Variants in CDK5RAP2 observed in about 807,000 individuals in gnomAD.
The protein encoded by CDK5RAP2 is CDK5 regulatory subunit associated protein 2, also known as CDK5 regulatory subunit-associated protein 2.
CDK5RAP2 carries 147 observed loss-of-function variants against 232.9 expected under a neutral mutation model. The ratio of observed to expected loss-of-function variants is 0.63; its 90% CI spans 0.55 to 0.72. CDK5RAP2 has a LOEUF of 0.72. Ranked by LOEUF, CDK5RAP2 falls within the 30% of genes least tolerant of loss-of-function variation. The pLI is 0.00. For missense variants in CDK5RAP2, 2,195 were observed against 2,231.5 expected, an observed-to-expected ratio of 0.98 and a Z score of 0.33; for synonymous variants, 833 against 833.7, an observed-to-expected ratio of 1.00 and a Z score of 0.01.
chr9:120,554,579 G>C (rs1337903974), intron 3 of CDK5RAP2, among the ~76,000 whole-genome samples: 1 of 152,194 alleles, frequency 6.6e-6, no homozygotes, highest in Non-Finnish European at 1.5e-5. Context: ...ATAGGTTTTT[G>C]AGAGAAGAAA....
chr9:120,456,902 A>C (rs1264418049), intron 20 of CDK5RAP2, among the ~76,000 whole-genome samples: 1 of 152,246 alleles, frequency 6.6e-6, no homozygotes, highest in East Asian at 1.9e-4. Context: ...ATTTTGCTAG[A>C]AATCTGAACA....
Position 120,536,440 on chromosome 9 carries a change from C to A in CDK5RAP2, c.594G>T (p.Lys198Asn). The change falls in exon 7 of 38, where the codon AAG becomes AAT. Residue 198 changes from lysine (K) to asparagine (N), a missense_variant. Transcript: ENST00000349780. The part of the protein sequence containing the change: ...EKALRLRLES[K>N]LSEMKKMHEG... ...CGTGCATCTTCTTCATCTCTGAAAG[C>A]TTGCTTTCCAAACGCAACCGAAGAG... 1 of 1,614,212 alleles carries A rather than the reference C, an allele frequency of 6.2e-7. No individual in the cohort carries two copies. The highest frequency in any genetic ancestry group is 1.7e-4 in the Middle Eastern group (1 of 6,060).
chr9:120,572,034 C>G lies in CDK5RAP2; in HGVS notation c.67G>C (p.Val23Leu), dbSNP rs746736811. ...TCCAGGTCATCTGGTACACTGGGAA[C>G]AAGGCCACTAGGAGAGAACACATGA... ...PGTLSGCSGL[V>L]PSVPDDLDGI... Residue 23 changes from valine (V) to leucine (L), a missense_variant, in exon 2 of 38, where the codon GTT becomes CTT. Coordinates refer to ENST00000349780, the MANE Select transcript of CDK5RAP2 (RefSeq NM_018249.6). 5 of 1,612,928 alleles carry G rather than the reference C, an allele frequency of 3.1e-6. No homozygotes were observed. In the South Asian group the frequency reaches 5.5e-5, roughly 18 times the overall value.
intron 14 of CDK5RAP2, among the ~76,000 whole-genome samples, chr9:120,478,754 C>T (rs960618990): frequency 6.6e-6 from 1 of 152,134 alleles, no homozygotes; most frequent in African/African-American, 2.4e-5. Flanking sequence ...GCACTGAAGC[C>T]TGGGCAACAG....
Position 120,435,326 on chromosome 9 carries a change from T to C in CDK5RAP2, c.3955+1969A>G, listed in dbSNP as rs149598002. Among the ~76,000 whole-genome samples, 458 of 152,298 alleles carry C rather than the reference T, an allele frequency of 3.0e-3. 2 individuals are homozygous for C. Among genetic ancestry groups the C allele is most frequent in the Non-Finnish European group, 4.9e-3 (335 of 68,036 alleles). On this transcript the variant is annotated intron_variant, in intron 25 of 37. Coordinates refer to ENST00000349780, the MANE Select transcript of CDK5RAP2 (RefSeq NM_018249.6). ...GAGTAAATCAGCAGATATGGTGATG[T>C]TGTCAGAGCCAGGGTTCTTAGTGTT...
chr9:120,525,284 C>T (rs969321850), intron 10 of CDK5RAP2, among the ~76,000 whole-genome samples: 1 of 152,200 alleles, frequency 6.6e-6, no homozygotes, highest in African/African-American at 2.4e-5. Context: ...TCCATTTCCT[C>T]AACTGTAAAA....
At chr9:120,545,880 T>C (rs2041821534) in intron 4 of CDK5RAP2, 90 bp from the exon 5 acceptor site, 1 of 993,524 alleles carries the variant, frequency 1.0e-6, no homozygotes, top group Non-Finnish European at 1.6e-6. Flanking sequence ...CAGCACAGAC[T>C]GACTACAGGA....
intron 21 of CDK5RAP2, among the ~76,000 whole-genome samples, chr9:120,452,161 G>A (rs528748713): frequency 6.6e-6 from 1 of 152,004 alleles, no homozygotes; most frequent in Admixed American, 6.5e-5. Flanking sequence ...AATTGAAGGA[G>A]CTGGGGCAGA....
At chr9:120,497,841 C>G (rs769321713) in intron 12 of CDK5RAP2, among the ~76,000 whole-genome samples, 25 of 152,146 alleles carry the variant, frequency 1.6e-4, no homozygotes, top group Admixed American at 3.3e-4. Flanking sequence ...TCTAAAACCC[C>G]TGTGGCCTTT....
At chr9:120,555,137 G>C (rs112220383) in intron 3 of CDK5RAP2, among the ~76,000 whole-genome samples, 6 of 149,812 alleles carry the variant, frequency 4.0e-5, no homozygotes, top group East Asian at 2.0e-4. Flanking sequence ...AATTTTTTTG[G>C]GGGGGGGTGG....
intron 32 of CDK5RAP2, among the ~76,000 whole-genome samples, chr9:120,405,196 G>A (rs1301487550): frequency 6.6e-6 from 1 of 152,236 alleles, no homozygotes; most frequent in Non-Finnish European, 1.5e-5. Flanking sequence ...AAAGACATCA[G>A]CCTTTAGAAC....
Position 120,487,435 on chromosome 9 carries a change from T to C in CDK5RAP2, c.1485A>G (p.Lys495=). Residue 495 remains lysine (K), a splice_region_variant and synonymous_variant, in exon 14 of 38, where the codon AAA becomes AAG. Transcript: ENST00000349780. ...STNQKDVLLQ[K]FNEKDLEVIQ... is the part of the protein sequence containing the mutation. ...TTACTTCCAAATCTTTTTCATTGAA[T>C]TTCTAATGAAATAAAACAAATTCTA... 1 of 1,601,450 alleles carries C rather than the reference T, an allele frequency of 6.2e-7. No homozygotes were observed. Among genetic ancestry groups the C allele is most frequent in the Non-Finnish European group, 8.5e-7 (1 of 1,174,130 alleles).
intron 12 of CDK5RAP2, among the ~76,000 whole-genome samples, chr9:120,511,911 T>A (rs915176242): frequency 6.6e-6 from 1 of 152,106 alleles, no homozygotes; most frequent in Non-Finnish European, 1.5e-5. Flanking sequence ...CTAATTTTTG[T>A]ATTTTTAGTC....
intron 14 of CDK5RAP2, 46 bp downstream of exon 14, chr9:120,487,248 G>T (rs750941473): frequency 6.2e-7 from 1 of 1,604,230 alleles, no homozygotes; most frequent in South Asian, 1.1e-5. Flanking sequence ...TCAAAAAAGT[G>T]TATGAATCCA....
At chr9:120,485,167 T>C (rs1252575245) in intron 14 of CDK5RAP2, among the ~76,000 whole-genome samples, 1 of 152,212 alleles carries the variant, frequency 6.6e-6, no homozygotes, top group Non-Finnish European at 1.5e-5. Flanking sequence ...ACTTTACATT[T>C]GTGGTCATGT....
chr9:120,489,056 C>T (rs959154941), intron 13 of CDK5RAP2, among the ~76,000 whole-genome samples: 1 of 152,246 alleles, frequency 6.6e-6, no homozygotes, highest in Admixed American at 6.5e-5. Context: ...TGACTGTAGG[C>T]ACCAAATGTC....
chr9:120,473,294 A>C (rs923709358), intron 15 of CDK5RAP2, among the ~76,000 whole-genome samples: 1 of 152,234 alleles, frequency 6.6e-6, no homozygotes, highest in Non-Finnish European at 1.5e-5. Context: ...TCTAGCATCT[A>C]TGGTTCCCTA....
rs946776962 is a variant in CDK5RAP2, at chr9:120,433,860, C to A, written c.3955+3435G>T. Among the ~76,000 whole-genome samples, 4 of 152,234 alleles carry A rather than the reference C, an allele frequency of 2.6e-5. No homozygotes were observed. In the South Asian group the frequency reaches 8.3e-4, roughly 31 times the overall value. On this transcript the variant is annotated intron_variant, in intron 25 of 37. Coordinates refer to ENST00000349780, the MANE Select transcript of CDK5RAP2 (RefSeq NM_018249.6). ...GGCCACACTCTCCACAGCTGTAACA[C>A]TAGATTCACTGACTCACTCACTCAT...
chr9:120,443,808 A>G lies in CDK5RAP2; in HGVS notation c.3026-66T>C. The G allele has an allele frequency of 1.9e-6, 3 of 1,602,746 alleles. No homozygotes were observed. The South Asian group carries it at 3.3e-5, about 18-fold the overall frequency. ...GTAAGACCTGAAACTTAGCCAAGCA[A>G]CTGAGAAGAACACAAAGATACAACA... On this transcript the variant is annotated intron_variant, in intron 22 of 37. Transcript: ENST00000349780.
Sources: gnomAD v4.1 joint callset for allele counts (sites outside exome capture counted in the v4.1 genomes callset) on GRCh38, gnomAD v4.1.1 for gene constraint, MANE v1.5 for transcripts, NCBI Gene and HGNC (gene_info 2026-07-23, HGNC 2026-07-21) for gene names.